TINCR: variants seen among roughly 807,000 people sequenced by gnomAD.
The protein encoded by TINCR is TINCR ubiquitin domain containing.
In TINCR at chr19:5,566,351, C is replaced by G. The variant is rs1255965971; in HGVS notation, c.260+1314G>C. On this transcript the variant is annotated intron_variant, in intron 1 of 1. Coordinates refer to ENST00000646160, the Ensembl canonical transcript of TINCR. ...AGAGACAGAAATGGACAGAGACACGCAGAGAAACAGAGAGACAAAAGAGAC... is the reference window on the plus strand; with the variant it reads ...AGAGACAGAAATGGACAGAGACACGGAGAGAAACAGAGAGACAAAAGAGAC... 4.7e-5 allele frequency among the ~76,000 whole-genome samples: 7 copies of G among 149,644 alleles called. No individual in the cohort carries two copies. The East Asian group carries it at 1.4e-3, about 29-fold the overall frequency.
chr19:5,561,111 C>G (rs1470676351), downstream of TINCR: 1 of 153,972 alleles, frequency 6.5e-6, no homozygotes, highest in Non-Finnish European at 1.5e-5. Context: ...TCTCTCCTGC[C>G]CCTTCTGTGC....
In TINCR at chr19:5,563,637, A is replaced by G. The variant is rs552596283; in HGVS notation, c.261-688T>C. Among the ~76,000 whole-genome samples, 1 of 152,270 alleles carries G rather than the reference A, an allele frequency of 6.6e-6. No homozygotes were observed. Among genetic ancestry groups the G allele is most frequent in the African/African-American group, 2.4e-5 (1 of 41,548 alleles). On this transcript the variant is annotated intron_variant, in intron 1 of 1. Coordinates refer to ENST00000646160, the Ensembl canonical transcript of TINCR. This position sits in a 1 kb window ranked among gnomAD's most constrained non-coding sequence, Gnocchi z 4.7. ...CCGCCAATGATAACGGCACCCGGCCAGGCACGGTGGCTCACGCGTGTAATC... is the reference window on the plus strand; with the variant it reads ...CCGCCAATGATAACGGCACCCGGCCGGGCACGGTGGCTCACGCGTGTAATC...
rs1040260232 is a variant in TINCR at position 5,565,118 on chromosome 19, ACTGCCCTGGCCCCTCC to A, written c.261-2185_261-2170del. 6.6e-6 allele frequency among the ~76,000 whole-genome samples: 1 copy of A among 151,782 alleles called. No individual in the cohort carries two copies. The highest frequency in any genetic ancestry group is 1.5e-5 in the Non-Finnish European group (1 of 67,892). ...CTGCAGTCCGCAAGGCCCTGCATGAACTGCCCTGGCCCCTCCCTGCCCTCCCTTCCTCCCTCTCTCC... is the reference window on the plus strand; with the variant it reads ...CTGCAGTCCGCAAGGCCCTGCATGAACTGCCCTCCCTTCCTCCCTCTCTCC... On this transcript the variant is annotated intron_variant, in intron 1 of 1. Transcript: ENST00000646160. The surrounding 1 kb of genome is among the most constrained non-coding windows in gnomAD (Gnocchi z 4.0).
intron 1 of TINCR, among the ~76,000 whole-genome samples, chr19:5,566,221 A>G (rs8105637): frequency 0.56 from 84,759 of 151,934 alleles, 24,051 homozygotes; most frequent in East Asian, 0.71. Flanking sequence ...CAGAGACACC[A>G]GAGAGATAAA....
Position 5,565,738 on chromosome 19 carries a change from G to C in TINCR, c.260+1927C>G, listed in dbSNP as rs79327432. Reference sequence around the variant, plus strand: ...CATTGCAGCCCCAGACTCCTGCAACGGGGTGGCATCTGAGGCTCCTGCCCT... The same window carrying C: ...CATTGCAGCCCCAGACTCCTGCAACCGGGTGGCATCTGAGGCTCCTGCCCT... On this transcript the variant is annotated intron_variant, in intron 1 of 1. Transcript: ENST00000646160. The surrounding 1 kb of genome is among the most constrained non-coding windows in gnomAD (Gnocchi z 4.0). 6.6e-5 allele frequency among the ~76,000 whole-genome samples: 10 copies of C among 152,172 alleles called. No individual in the cohort carries two copies. Among genetic ancestry groups the C allele is most frequent in the Non-Finnish European group, 1.3e-4 (9 of 68,034 alleles).
chr19:5,566,984 A>C (rs2052133096), intron 1 of TINCR, among the ~76,000 whole-genome samples: 1 of 152,116 alleles, frequency 6.6e-6, no homozygotes, highest in East Asian at 1.9e-4. Context: ...AGACAATCAC[A>C]GGCAACCAAA....
rs969825306 is a variant in TINCR, at chr19:5,563,654, C to T, written c.261-705G>A. Among the ~76,000 whole-genome samples the T allele has an allele frequency of 1.3e-5, 2 of 152,156 alleles. No homozygotes were observed. The highest frequency in any genetic ancestry group is 6.5e-5 in the Admixed American group (1 of 15,274). On this transcript the variant is annotated intron_variant, in intron 1 of 1. Transcript: ENST00000646160. The surrounding 1 kb of genome is among the most constrained non-coding windows in gnomAD (Gnocchi z 4.7). ...ACCCGGCCAGGCACGGTGGCTCACGCGTGTAATCCCAGCACTTTGGGAGGC... is the reference window on the plus strand; with the variant it reads ...ACCCGGCCAGGCACGGTGGCTCACGTGTGTAATCCCAGCACTTTGGGAGGC...
Position 5,563,911 on chromosome 19 carries a change from G to A in TINCR, c.261-962C>T, listed in dbSNP as rs191455387. ...GCCTGGGCGACAGAGCAAGACTCCC[G>A]TCTCAAAAATAATAAATAATAAATA... On this transcript the variant is annotated intron_variant, in intron 1 of 1. Transcript: ENST00000646160. This position sits in a 1 kb window ranked among gnomAD's most constrained non-coding sequence, Gnocchi z 4.7. Among the ~76,000 whole-genome samples the A allele has an allele frequency of 1.0e-3, 155 of 152,114 alleles. No homozygotes were observed. The highest frequency in any genetic ancestry group is 5.3e-4 in the Non-Finnish European group (36 of 67,988).
chr19:5,566,959 GAGAGAC>G (rs902765674), intron 1 of TINCR, among the ~76,000 whole-genome samples: 12 of 151,990 alleles, frequency 7.9e-5, no homozygotes, highest in South Asian at 2.1e-4. Context: ...ACAGAGAAAA[GAGAGAC>G]AGAGACAGAG....
chr19:5,561,715 G>A (rs1194711506), downstream of TINCR: 3 of 152,128 alleles, frequency 2.0e-5, no homozygotes, highest in East Asian at 5.8e-4. Context: ...GATTCTCTTG[G>A]AACTTGGCTG....
chr19:5,559,350 T>G (rs1316984186), downstream of TINCR: 1 of 151,742 alleles, frequency 6.6e-6, no homozygotes, highest in Non-Finnish European at 1.5e-5. Flanking sequence ...TTTTTTTTTT[T>G]TTGAGACGGA....
rs765901301 is a variant in TINCR at position 5,566,257 on chromosome 19, AC to A, written c.260+1407del. ...GAGACACAGACACACATGTTGAGAC[AC>A]AGCGAGAAAAAGAGCAGAGACCAAA... On this transcript the variant is annotated intron_variant, in intron 1 of 1. Coordinates refer to ENST00000646160, the Ensembl canonical transcript of TINCR. 1.7e-4 allele frequency among the ~76,000 whole-genome samples: 26 copies of A among 152,200 alleles called. 1 individual carries two copies. Among genetic ancestry groups the A allele is most frequent in the Non-Finnish European group, 7.3e-5 (5 of 68,034 alleles).
chr19:5,558,609 T>C (rs2052083454), downstream of TINCR: 1 of 152,254 alleles, frequency 6.6e-6, no homozygotes, highest in South Asian at 2.1e-4. Context: ...GGCCAAGACA[T>C]TCCACAATAG....
At chr19:5,564,567 G>A (rs915448092) in intron 1 of TINCR, among the ~76,000 whole-genome samples, 3 of 152,144 alleles carry the variant, frequency 2.0e-5, no homozygotes, top group Non-Finnish European at 4.4e-5. Flanking sequence ...CCCAGAGGAG[G>A]TTGAAACTCT....
At chr19:5,561,931 C>A (rs1409679672), downstream of TINCR, among the ~76,000 whole-genome samples, 1 of 152,128 alleles carries the variant, frequency 6.6e-6, no homozygotes, top group Non-Finnish European at 1.5e-5. Context: ...AAGGCCATGT[C>A]CCTACCCTAG....
intron 1 of TINCR, 39 bp downstream of exon 1, chr19:5,567,626 G>GCC: frequency 9.9e-6 from 2 of 202,440 alleles, no homozygotes; most frequent in Admixed American, 6.1e-5. Flanking sequence ...GTCCCCGGCC[G>GCC]CCGCCCCCGC....
At chr19:5,567,231 A>C (rs2052134630) in intron 1 of TINCR, among the ~76,000 whole-genome samples, 1 of 152,008 alleles carries the variant, frequency 6.6e-6, no homozygotes, top group Admixed American at 6.6e-5. Context: ...ACAAAGATGA[A>C]AGAGACAGAG....
In TINCR at chr19:5,563,643, G is replaced by A. The variant is rs1281357916; in HGVS notation, c.261-694C>T. Among the ~76,000 whole-genome samples, 1 of 152,106 alleles carries A rather than the reference G, an allele frequency of 6.6e-6. No homozygotes were observed. The highest frequency in any genetic ancestry group is 2.4e-5 in the African/African-American group (1 of 41,408). On this transcript the variant is annotated intron_variant, in intron 1 of 1. Coordinates refer to ENST00000646160, the Ensembl canonical transcript of TINCR. This position sits in a 1 kb window ranked among gnomAD's most constrained non-coding sequence, Gnocchi z 4.7. ...ATGATAACGGCACCCGGCCAGGCAC[G>A]GTGGCTCACGCGTGTAATCCCAGCA...
downstream of TINCR, chr19:5,558,719 C>T (rs2052084092): frequency 6.6e-6 from 1 of 152,272 alleles, no homozygotes; most frequent in African/African-American, 2.4e-5. Flanking sequence ...TCACGAGGAC[C>T]ATGCACTTTG....
Sources: gnomAD v4.1 joint callset for allele counts (sites outside exome capture counted in the v4.1 genomes callset) on GRCh38, gnomAD v4.1.1 for gene constraint, Gnocchi (gnomAD v3.1) non-coding constraint, MANE v1.5 for transcripts, NCBI Gene and HGNC (gene_info 2026-07-23, HGNC 2026-07-21) for gene names.